The following KCNK13 variants were observed in gnomAD, a reference collection of about 807,000 sequenced individuals.
The protein encoded by KCNK13 is potassium two pore domain channel subfamily K member 13.
Under a neutral mutation model 23.4 loss-of-function variants are expected in KCNK13, and 12 were observed. That is an observed-to-expected ratio of 0.51 (90% CI 0.33 to 0.83). The LOEUF (loss-of-function observed/expected upper bound fraction) is 0.83. KCNK13 is among the 40% of genes least tolerant of loss of function. The probability of loss-of-function intolerance (pLI) is 0.02; values close to 1 mark genes in which losing one functional copy is unlikely to be tolerated. For synonymous variants in KCNK13, 231 were observed against 229.5 expected, an observed-to-expected ratio of 1.01 and a Z score of -0.06; for missense variants, 463 against 556.3, an observed-to-expected ratio of 0.83 and a Z score of 1.69.
In KCNK13 at chr14:90,078,186, C is replaced by T. The variant is rs539025555; in HGVS notation, c.334+15647C>T. Among the ~76,000 whole-genome samples, 5 of 152,182 alleles carry T rather than the reference C, an allele frequency of 3.3e-5. No homozygotes were observed. In the South Asian group the frequency reaches 8.3e-4, roughly 25 times the overall value. On this transcript the variant is annotated intron_variant, in intron 1 of 1. Transcript: ENST00000282146. ...TTGTAATCCCAGCACTTTGGGAGGC[C>T]GAGGTGGGCAGATCACCTAAGTCAG... is the stretch of plus-strand genomic sequence containing the variant.
chr14:90,166,736 A>C (rs575464985), intron 1 of KCNK13, among the ~76,000 whole-genome samples: 1 of 151,512 alleles, frequency 6.6e-6, no homozygotes, highest in Non-Finnish European at 1.5e-5. Flanking sequence ...TTTCTTATTT[A>C]TTTGGGTAGA....
chr14:90,079,888 C>A (rs1889186528), intron 1 of KCNK13, among the ~76,000 whole-genome samples: 1 of 152,152 alleles, frequency 6.6e-6, no homozygotes, highest in Non-Finnish European at 1.5e-5. Context: ...ACACGTCCAC[C>A]TCTGGTGTGA....
chr14:90,120,086 G>A (rs944017261), intron 1 of KCNK13, among the ~76,000 whole-genome samples: 44 of 151,926 alleles, frequency 2.9e-4, no homozygotes, highest in African/African-American at 1.1e-3. Context: ...CCTCAAGTAG[G>A]CCTCAGTGTC....
chr14:90,125,801 T>C (rs1462984168), intron 1 of KCNK13, among the ~76,000 whole-genome samples: 2 of 152,062 alleles, frequency 1.3e-5, no homozygotes, highest in Non-Finnish European at 2.9e-5. Context: ...GGCAAGTGGA[T>C]GGCTTGAGCC....
At chr14:90,150,008 G>A (rs535867604) in intron 1 of KCNK13, among the ~76,000 whole-genome samples, 9,863 of 152,158 alleles carry the variant, frequency 0.065, 406 homozygotes, top group South Asian at 0.21. Flanking sequence ...AGCAATTACA[G>A]TACAGAGCTA....
chr14:90,091,521 C>G (rs753143729), intron 1 of KCNK13, among the ~76,000 whole-genome samples: 1 of 152,166 alleles, frequency 6.6e-6, no homozygotes, highest in Admixed American at 6.6e-5. Context: ...AATAGCATCT[C>G]TAAGGTCTTG....
intron 1 of KCNK13, among the ~76,000 whole-genome samples, chr14:90,174,692 A>C (rs1405158196): frequency 6.6e-6 from 1 of 152,040 alleles, no homozygotes; most frequent in African/African-American, 2.4e-5. Context: ...CATCTCTACA[A>C]AAAATCCAAA....
At chr14:90,172,617 G>C (rs1235266799) in intron 1 of KCNK13, among the ~76,000 whole-genome samples, 1 of 126,198 alleles carries the variant, frequency 7.9e-6, no homozygotes, top group Non-Finnish European at 1.6e-5. Context: ...GTGTTACACT[G>C]ATGTGATTGT....
chr14:90,167,339 C>T lies in KCNK13; in HGVS notation c.335-16772C>T, dbSNP rs1431852152. On this transcript the variant is annotated intron_variant, in intron 1 of 1. Transcript: ENST00000282146. The stretch of plus-strand genomic sequence containing the variant: ...TCTATTTTCATTGCTTTTCTCACCA[C>T]CAGGTAACACAGATATAAAGAGTAC... Among the ~76,000 whole-genome samples the T allele has an allele frequency of 2.0e-5, 3 of 152,150 alleles. No homozygotes were observed. The East Asian group carries it at 5.8e-4, about 29-fold the overall frequency.
At chr14:90,102,302 A>C (rs73330273) in intron 1 of KCNK13, among the ~76,000 whole-genome samples, 1,628 of 152,298 alleles carry the variant, frequency 0.011, 24 homozygotes, top group African/African-American at 0.036. Context: ...GCTGGTAACA[A>C]CACCAGCCAG....
chr14:90,153,308 C>T (rs976894441), intron 1 of KCNK13, among the ~76,000 whole-genome samples: 1 of 152,204 alleles, frequency 6.6e-6, no homozygotes, highest in South Asian at 2.1e-4. Flanking sequence ...CTGTAGTTCT[C>T]ATACTGGCTC....
At chr14:90,144,872 C>G (rs868805463) in intron 1 of KCNK13, among the ~76,000 whole-genome samples, 1 of 152,040 alleles carries the variant, frequency 6.6e-6, no homozygotes, top group South Asian at 2.1e-4. Context: ...ACACTTGTTC[C>G]TGATTATAGG....
At chr14:90,111,484 A>G (rs56229081) in intron 1 of KCNK13, among the ~76,000 whole-genome samples, 2,506 of 152,234 alleles carry the variant, frequency 0.016, 64 homozygotes, top group African/African-American at 0.057. Context: ...CTCAAGCCCA[A>G]TTATTTCCCA....
chr14:90,142,127 A>G (rs1890015212), intron 1 of KCNK13, among the ~76,000 whole-genome samples: 1 of 151,568 alleles, frequency 6.6e-6, no homozygotes, highest in South Asian at 2.1e-4. Context: ...CCCTGTCCCC[A>G]GGTAACTAGC....
chr14:90,080,744 G>T (rs911627867), intron 1 of KCNK13, among the ~76,000 whole-genome samples: 8 of 152,098 alleles, frequency 5.3e-5, no homozygotes, highest in Non-Finnish European at 1.0e-4. Context: ...GACTGTCTGG[G>T]ATCACCTGTT....
chr14:90,174,356 T>A (rs142481029), intron 1 of KCNK13, among the ~76,000 whole-genome samples: 1,830 of 152,212 alleles, frequency 0.012, 28 homozygotes, highest in Middle Eastern at 0.034. Context: ...TCAGATCTCA[T>A]GAGAACTCCC....
At chr14:90,105,832 G>A (rs193163030) in intron 1 of KCNK13, among the ~76,000 whole-genome samples, 12 of 152,284 alleles carry the variant, frequency 7.9e-5, no homozygotes, top group Admixed American at 3.3e-4. Context: ...ATAACAGTCC[G>A]ACAAAGGTTT....
At chr14:90,112,198 G>A (rs1596783051) in intron 1 of KCNK13, among the ~76,000 whole-genome samples, 1 of 152,280 alleles carries the variant, frequency 6.6e-6, no homozygotes, top group Admixed American at 6.5e-5. Flanking sequence ...CTCTAGCGAT[G>A]CCATTTACAT....
intron 1 of KCNK13, among the ~76,000 whole-genome samples, chr14:90,103,922 T>C (rs1889511647): frequency 6.6e-6 from 1 of 152,144 alleles, no homozygotes; most frequent in Non-Finnish European, 1.5e-5. Flanking sequence ...GATCTCTAAG[T>C]GTATCTCCTA....
Sources: gnomAD v4.1 joint callset for allele counts (sites outside exome capture counted in the v4.1 genomes callset) on GRCh38, gnomAD v4.1.1 for gene constraint, MANE v1.5 for transcripts, NCBI Gene and HGNC (gene_info 2026-07-23, HGNC 2026-07-21) for gene names.